NHERF1: variants seen among roughly 807,000 people sequenced by gnomAD.
NHERF1 encodes the protein NHERF family PDZ scaffold protein 1.
the NHERF1 span, among the ~76,000 whole-genome samples, chr17:74,766,338 A>C: frequency 6.6e-6 from 1 of 151,938 alleles, no homozygotes; most frequent in African/African-American, 2.4e-5. Context: ...CTAGGATTAC[A>C]GGCGTGTGCC....
the NHERF1 span, among the ~76,000 whole-genome samples, chr17:74,758,613 C>G: frequency 6.6e-6 from 1 of 152,170 alleles, no homozygotes; most frequent in East Asian, 1.9e-4. The surrounding 1 kb of genome is among the most constrained non-coding windows in gnomAD (Gnocchi z 4.3). Flanking sequence ...CCGGAACTCA[C>G]TGGGGCTATG....
chr17:74,765,549 C>T, the NHERF1 span, among the ~76,000 whole-genome samples: 933 of 150,126 alleles, frequency 6.2e-3, 11 homozygotes, highest in African/African-American at 0.022. Context: ...TGAGCCACCG[C>T]GCCTGGCCTT....
the NHERF1 span, chr17:74,769,036 A>C: frequency 8.6e-6 from 2 of 232,452 alleles, no homozygotes; most frequent in African/African-American, 2.3e-5. Flanking sequence ...AAGAACTCTG[A>C]CTGCAGAACT....
the NHERF1 span, among the ~76,000 whole-genome samples, chr17:74,758,820 G>T: frequency 6.6e-6 from 1 of 152,158 alleles, no homozygotes; most frequent in African/African-American, 2.4e-5. The surrounding 1 kb of genome is among the most constrained non-coding windows in gnomAD (Gnocchi z 4.3). Flanking sequence ...AGCTCGGCCA[G>T]GTACCCCACA....
chr17:74,753,149 T>A, the NHERF1 span, among the ~76,000 whole-genome samples: 1 of 152,214 alleles, frequency 6.6e-6, no homozygotes, highest in Non-Finnish European at 1.5e-5. Context: ...GGTTCTGGGA[T>A]CCTGGGAGTT....
chr17:74,768,496 A>G, the NHERF1 span: 6 of 1,613,920 alleles, frequency 3.7e-6, no homozygotes, highest in South Asian at 2.2e-5. Context: ...CCCCCAAAAC[A>G]GGACTCCACA....
At chr17:74,768,050 C>A in the NHERF1 span, 1 of 872,638 alleles carries the variant, frequency 1.1e-6, no homozygotes, top group Non-Finnish European at 2.0e-6. Context: ...GCTACCTCTT[C>A]TCAGTCTGAG....
At chr17:74,768,730 A>T in the NHERF1 span, 3 of 1,319,110 alleles carry the variant, frequency 2.3e-6, no homozygotes, top group Non-Finnish European at 2.2e-6. Flanking sequence ...CTCCCCAATT[A>T]CTCCCCTGAA....
chr17:74,749,422 C>T, the NHERF1 span: 5 of 845,686 alleles, frequency 5.9e-6, no homozygotes, highest in Admixed American at 9.2e-5. This position sits in a 1 kb window ranked among gnomAD's most constrained non-coding sequence, Gnocchi z 5.6. Context: ...AGACCGCTTC[C>T]GCCCGCCGAC....
chr17:74,768,523 C>T, the NHERF1 span: 2 of 1,614,178 alleles, frequency 1.2e-6, no homozygotes, highest in South Asian at 1.1e-5. Context: ...TCGTCTACCT[C>T]CTCCTCCGAC....
the NHERF1 span, chr17:74,748,813 C>G: frequency 6.4e-7 from 1 of 1,561,800 alleles, no homozygotes; most frequent in African/African-American, 1.3e-5. This position sits in a 1 kb window ranked among gnomAD's most constrained non-coding sequence, Gnocchi z 4.3. Context: ...CCATCGGAAC[C>G]CCAAGTCGCG....
the NHERF1 span, among the ~76,000 whole-genome samples, chr17:74,758,357 T>TG: frequency 6.6e-6 from 1 of 152,048 alleles, no homozygotes; most frequent in Non-Finnish European, 1.5e-5. The surrounding 1 kb of genome is among the most constrained non-coding windows in gnomAD (Gnocchi z 4.3). Flanking sequence ...GAGAAGGGTG[T>TG]GGGGGCAGCT....
chr17:74,751,078 T>C, the NHERF1 span, among the ~76,000 whole-genome samples: 1 of 152,182 alleles, frequency 6.6e-6, no homozygotes, highest in Non-Finnish European at 1.5e-5. This position sits in a 1 kb window ranked among gnomAD's most constrained non-coding sequence, Gnocchi z 4.3. Flanking sequence ...ATCTGTGAGA[T>C]GGAGGCATTG....
the NHERF1 span, among the ~76,000 whole-genome samples, chr17:74,761,823 G>A: frequency 1.3e-5 from 2 of 152,340 alleles, no homozygotes; most frequent in Middle Eastern, 3.4e-3. The surrounding 1 kb of genome is among the most constrained non-coding windows in gnomAD (Gnocchi z 4.3). Context: ...AGTTAGCTGC[G>A]GTGCTGGGTA....
chr17:74,762,186 G>A, the NHERF1 span: 7 of 1,613,304 alleles, frequency 4.3e-6, no homozygotes, highest in Middle Eastern at 3.3e-4. This position sits in a 1 kb window ranked among gnomAD's most constrained non-coding sequence, Gnocchi z 4.2. Flanking sequence ...GATGCTTCTC[G>A]CTCTCTTCCT....
the NHERF1 span, chr17:74,749,119 C>T: frequency 6.3e-7 from 1 of 1,575,434 alleles, no homozygotes; most frequent in African/African-American, 1.3e-5. The surrounding 1 kb of genome is among the most constrained non-coding windows in gnomAD (Gnocchi z 5.6). Flanking sequence ...TGCTGGTGGT[C>T]GACCCCGAGA....
chr17:74,748,642 G>C, the NHERF1 span: 2 of 510,470 alleles, frequency 3.9e-6, no homozygotes, highest in Middle Eastern at 2.9e-4. The surrounding 1 kb of genome is among the most constrained non-coding windows in gnomAD (Gnocchi z 4.3). Flanking sequence ...GCCGCGCGGG[G>C]CGGGGATTGG....
At chr17:74,749,492 C>A in the NHERF1 span, among the ~76,000 whole-genome samples, 7 of 152,238 alleles carry the variant, frequency 4.6e-5, no homozygotes, top group Admixed American at 1.3e-4. The surrounding 1 kb of genome is among the most constrained non-coding windows in gnomAD (Gnocchi z 5.6). Flanking sequence ...TCCTCTCCTT[C>A]CCAGGCTGTG....
chr17:74,749,323 G>A, the NHERF1 span: 2 of 1,506,632 alleles, frequency 1.3e-6, no homozygotes, highest in Non-Finnish European at 1.8e-6. The surrounding 1 kb of genome is among the most constrained non-coding windows in gnomAD (Gnocchi z 5.6). Context: ...CTGGCATGGA[G>A]TGGGAGGAGG....
Sources: gnomAD v4.1 joint callset for allele counts (sites outside exome capture counted in the v4.1 genomes callset) on GRCh38, gnomAD v4.1.1 for gene constraint, Gnocchi (gnomAD v3.1) non-coding constraint, MANE v1.5 for transcripts, NCBI Gene and HGNC (gene_info 2026-07-23, HGNC 2026-07-21) for gene names.